The following TXK variants were observed in gnomAD, a reference collection of about 807,000 sequenced individuals.
The protein encoded by TXK is tyrosine-protein kinase TXK.
Under a neutral mutation model 81.0 loss-of-function variants are expected in TXK, and 60 were observed. The ratio of observed to expected loss-of-function variants is 0.74; its 90% CI spans 0.60 to 0.92. TXK has a LOEUF of 0.92. TXK is among the 40% of genes least tolerant of loss of function. The probability of loss-of-function intolerance (pLI) is 0.00; values close to 1 mark genes in which losing one functional copy is unlikely to be tolerated. For synonymous variants in TXK, 203 were observed against 210.7 expected (o/e 0.96, Z 0.32); for missense variants, 581 against 638.3 (o/e 0.91, Z 0.97).
At position 48,132,864 on chromosome 4, in the gene TXK, T is replaced by C. The variant is rs1482551769; in HGVS notation, c.16+1291A>G. On this transcript the variant is annotated intron_variant, in intron 1 of 14. Transcript: ENST00000264316. ...GGGAGGCTGAGGCAGGAGAACCACT[T>C]GAACCCAGGAGGTGGAGGTTGCAGT... Among the ~76,000 whole-genome samples the C allele has an allele frequency of 2.0e-5, 3 of 151,966 alleles. No homozygotes were observed. In the South Asian group the frequency reaches 6.2e-4, roughly 32 times the overall value.
chr4:48,128,076 A>G (rs1719140526), intron 1 of TXK, among the ~76,000 whole-genome samples: 1 of 152,210 alleles, frequency 6.6e-6, no homozygotes, highest in Non-Finnish European at 1.5e-5. Context: ...GCGGGAAGCA[A>G]AGCCGCTGTC....
intron 7 of TXK, 51 bp from the exon 8 acceptor site, chr4:48,094,255 T>A: frequency 1.3e-6 from 2 of 1,598,650 alleles, no homozygotes; most frequent in Non-Finnish European, 1.7e-6. Flanking sequence ...TCAATTTGGA[T>A]CTAAGCCAAC....
At chr4:48,071,899 T>C (rs531119119) in intron 13 of TXK, among the ~76,000 whole-genome samples, 1 of 152,048 alleles carries the variant, frequency 6.6e-6, no homozygotes, top group Admixed American at 6.5e-5. Flanking sequence ...CCTTTCCTTG[T>C]CCATGGGTCT....
At chr4:48,098,484 G>A (rs1211175006) in intron 6 of TXK, among the ~76,000 whole-genome samples, 1 of 152,074 alleles carries the variant, frequency 6.6e-6, no homozygotes, top group Non-Finnish European at 1.5e-5. Flanking sequence ...GCGCTAAGGA[G>A]AAAAACCACA....
At chr4:48,112,923 G>C (rs1338537964) in intron 3 of TXK, among the ~76,000 whole-genome samples, 1 of 151,910 alleles carries the variant, frequency 6.6e-6, no homozygotes, top group African/African-American at 2.4e-5. Context: ...GTTTCTCACT[G>C]AAGTGAAAAT....
intron 10 of TXK, among the ~76,000 whole-genome samples, chr4:48,082,881 G>A (rs1010374735): frequency 6.6e-6 from 1 of 152,104 alleles, no homozygotes; most frequent in Non-Finnish European, 1.5e-5. Context: ...AAACTCCAGG[G>A]GAAGATCATC....
intron 1 of TXK, among the ~76,000 whole-genome samples, chr4:48,117,721 T>C (rs1311553523): frequency 6.6e-6 from 1 of 152,248 alleles, no homozygotes; most frequent in Non-Finnish European, 1.5e-5. Flanking sequence ...TCATGTATCC[T>C]GGCTATGGAA....
At chr4:48,114,592 G>A in intron 1 of TXK, 190 bp from the exon 2 acceptor site, 1 of 600,874 alleles carries the variant, frequency 1.7e-6, no homozygotes, top group Non-Finnish European at 2.9e-6. Context: ...GGCCAGTGTG[G>A]TTTCCCTTCT....
chr4:48,071,319 A>G (rs1716844244), intron 14 of TXK, among the ~76,000 whole-genome samples, 198 bp downstream of exon 14: 1 of 152,212 alleles, frequency 6.6e-6, no homozygotes, highest in South Asian at 2.1e-4. Context: ...TCCTCAGATA[A>G]AAGGCCATTG....
intron 10 of TXK, 175 bp from the exon 11 acceptor site, chr4:48,080,303 T>G: frequency 1.6e-6 from 1 of 611,114 alleles, no homozygotes; most frequent in Non-Finnish European, 2.9e-6. Context: ...GCACTGAGAA[T>G]GTGGGGTCAA....
intron 1 of TXK, among the ~76,000 whole-genome samples, chr4:48,121,490 T>C (rs1718960847): frequency 6.6e-6 from 1 of 152,136 alleles, no homozygotes; most frequent in African/African-American, 2.4e-5. Flanking sequence ...CCATGGGAGA[T>C]TGGTTCCAGA....
At chr4:48,080,900 G>C (rs1717275148) in intron 10 of TXK, among the ~76,000 whole-genome samples, 1 of 152,008 alleles carries the variant, frequency 6.6e-6, no homozygotes, top group Non-Finnish European at 1.5e-5. Flanking sequence ...TGTGTCAAAT[G>C]CATCTTGAAA....
chr4:48,123,928 G>A (rs1719020600), intron 1 of TXK, among the ~76,000 whole-genome samples: 1 of 152,110 alleles, frequency 6.6e-6, no homozygotes, highest in Non-Finnish European at 1.5e-5. Flanking sequence ...TGTTCTCACA[G>A]ACACGTCGTG....
At chr4:48,104,591 T>G (rs540372832) in intron 6 of TXK, among the ~76,000 whole-genome samples, 1 of 51,260 alleles carries the variant, frequency 2.0e-5, no homozygotes. Context: ...ATTATATATA[T>G]ATATAGAGAG....
At chr4:48,116,684 C>A (rs950895251) in intron 1 of TXK, among the ~76,000 whole-genome samples, 3 of 152,192 alleles carry the variant, frequency 2.0e-5, no homozygotes, top group African/African-American at 7.2e-5. Context: ...GCAAGAAAAT[C>A]AGGAGGATAA....
chr4:48,070,601 C>G (rs1716803944), intron 14 of TXK, among the ~76,000 whole-genome samples: 1 of 151,968 alleles, frequency 6.6e-6, no homozygotes, highest in Admixed American at 6.6e-5. Context: ...TTTTTTGAGA[C>G]AGAGTCTTGT....
At chr4:48,113,976 G>T (rs566869186) in intron 2 of TXK, among the ~76,000 whole-genome samples, 1 of 152,278 alleles carries the variant, frequency 6.6e-6, no homozygotes, top group South Asian at 2.1e-4. Flanking sequence ...TGCCACCAAA[G>T]TATAAGATAC....
intron 1 of TXK, among the ~76,000 whole-genome samples, chr4:48,125,060 A>G (rs1251647302): frequency 6.6e-6 from 1 of 152,222 alleles, no homozygotes; most frequent in Non-Finnish European, 1.5e-5. Context: ...CTTAGATCTT[A>G]CTATACTACG....
intron 7 of TXK, 66 bp downstream of exon 7, chr4:48,095,077 A>AT (rs1005443570): frequency 1.4e-5 from 19 of 1,336,040 alleles, no homozygotes; most frequent in Non-Finnish European, 1.9e-5. Context: ...TCTCACTAAC[A>AT]TTCTCTATGT....
Sources: allele counts gnomAD v4.1 joint callset (sites outside exome capture counted in the v4.1 genomes callset), GRCh38; gene constraint gnomAD v4.1.1; transcripts MANE v1.5; gene names NCBI Gene and HGNC (gene_info 2026-07-23, HGNC 2026-07-21).